KAZN: variants seen among roughly 807,000 people sequenced by gnomAD.
KAZN encodes the protein kazrin.
In KAZN, 40 loss-of-function variants were observed where a neutral mutation model predicts 87.4. That is an observed-to-expected ratio of 0.46 (90% CI 0.36 to 0.60). The LOEUF is 0.60. KAZN is among the 20% of genes least tolerant of loss of function. The probability of loss-of-function intolerance (pLI) is 0.00; values close to 1 mark genes in which losing one functional copy is unlikely to be tolerated. For missense variants in KAZN, 898 were observed against 1,073.9 expected, an observed-to-expected ratio of 0.84 and a Z score of 2.29; for synonymous variants, 466 against 458.3, an observed-to-expected ratio of 1.02 and a Z score of -0.22.
chr1:14,649,256 T>A (rs142199378), intron 1 of KAZN, among the ~76,000 whole-genome samples: 1 of 152,242 alleles, frequency 6.6e-6, no homozygotes, highest in African/African-American at 2.4e-5. Context: ...ATACCATTGA[T>A]AGAGAACTTG....
intron 2 of KAZN, among the ~76,000 whole-genome samples, chr1:14,215,303 T>C (rs1646936335): frequency 6.6e-6 from 1 of 152,190 alleles, no homozygotes; most frequent in Non-Finnish European, 1.5e-5. Context: ...TTAGGCTGTG[T>C]CAGGAGAGTC....
At chr1:15,019,433 G>A (rs1046902087) in intron 2 of KAZN, among the ~76,000 whole-genome samples, 3 of 152,164 alleles carry the variant, frequency 2.0e-5, no homozygotes, top group African/African-American at 7.2e-5. Flanking sequence ...CTGTCACCCA[G>A]GCTGGAGTGC....
At chr1:14,967,277 G>A (rs1411000793) in intron 2 of KAZN, among the ~76,000 whole-genome samples, 1 of 152,088 alleles carries the variant, frequency 6.6e-6, no homozygotes, top group African/African-American at 2.4e-5. Context: ...GCTCCTGGAT[G>A]TGCCTATGGT....
chr1:15,031,914 T>C (rs1671751753), intron 2 of KAZN, among the ~76,000 whole-genome samples: 1 of 152,082 alleles, frequency 6.6e-6, no homozygotes, highest in Admixed American at 6.5e-5. Flanking sequence ...AGCCTTATTT[T>C]GTTTTGCTTT....
At chr1:14,374,874 G>A (rs1660774428) in intron 2 of KAZN, among the ~76,000 whole-genome samples, 1 of 152,176 alleles carries the variant, frequency 6.6e-6, no homozygotes, top group Admixed American at 6.5e-5. Context: ...GGGAAAAGGA[G>A]GTCAGTAAAT....
At chr1:14,732,590 G>A (rs2100371290) in intron 1 of KAZN, among the ~76,000 whole-genome samples, 1 of 152,290 alleles carries the variant, frequency 6.6e-6, no homozygotes, top group East Asian at 1.9e-4. Context: ...AGCGAGCCAA[G>A]ATTGCACCAC....
chr1:14,231,889 C>T (rs1350372098), intron 2 of KAZN, among the ~76,000 whole-genome samples: 1 of 152,222 alleles, frequency 6.6e-6, no homozygotes, highest in Admixed American at 6.5e-5. Context: ...ACTCAGGGAT[C>T]CAGGCTCCTT....
intron 2 of KAZN, among the ~76,000 whole-genome samples, chr1:14,587,435 CAAAAAAAAAAAGAAA>C (rs1557818096): frequency 1.2e-5 from 1 of 85,454 alleles, no homozygotes; most frequent in Non-Finnish European, 2.4e-5. Context: ...GACTCCAACT[CAAAAAAAAAAAGAAA>C]AAAAAAAAAA....
At chr1:14,347,717 T>C (rs1214072208) in intron 2 of KAZN, among the ~76,000 whole-genome samples, 1 of 152,110 alleles carries the variant, frequency 6.6e-6, no homozygotes, top group African/African-American at 2.4e-5. Flanking sequence ...TATATTATGA[T>C]ACCTAGACTA....
chr1:14,798,306 T>G (rs1210637245), intron 1 of KAZN, among the ~76,000 whole-genome samples: 1 of 151,820 alleles, frequency 6.6e-6, no homozygotes, highest in African/African-American at 2.4e-5. Context: ...CATAATTAAG[T>G]AGGGCAGCAT....
At chr1:14,789,062 G>A (rs989212673) in intron 1 of KAZN, among the ~76,000 whole-genome samples, 7 of 152,214 alleles carry the variant, frequency 4.6e-5, no homozygotes, top group East Asian at 1.9e-4. Flanking sequence ...GACACTGGAC[G>A]GGTTAGTTTT....
chr1:14,799,005 G>A (rs1304129699), intron 1 of KAZN, among the ~76,000 whole-genome samples: 1 of 151,794 alleles, frequency 6.6e-6, no homozygotes, highest in East Asian at 1.9e-4. Flanking sequence ...TCAAACTCCT[G>A]AGCTCAAGTG....
intron 2 of KAZN, among the ~76,000 whole-genome samples, chr1:14,502,959 ATTC>A (rs1285920860): frequency 2.0e-5 from 3 of 152,204 alleles, no homozygotes; most frequent in East Asian, 1.9e-4. Flanking sequence ...ACCCACAATC[ATTC>A]TTCTCTCCTG....
intron 1 of KAZN, among the ~76,000 whole-genome samples, chr1:13,935,692 C>T (rs970137898): frequency 1.2e-4 from 18 of 152,120 alleles, no homozygotes; most frequent in Admixed American, 7.2e-4. Flanking sequence ...AGACAATCCC[C>T]GCTATAAATA....
chr1:14,492,245 G>A (rs1669688053), intron 2 of KAZN, among the ~76,000 whole-genome samples: 2 of 152,036 alleles, frequency 1.3e-5, no homozygotes, highest in African/African-American at 4.8e-5. Flanking sequence ...CAGGAGTTTG[G>A]GTTCTTCTGG....
intron 2 of KAZN, among the ~76,000 whole-genome samples, chr1:14,239,585 C>T (rs1321934589): frequency 2.0e-5 from 3 of 151,264 alleles, no homozygotes; most frequent in South Asian, 2.1e-4. Flanking sequence ...CTCAGCCTCC[C>T]GAGTAGCTGG....
Position 14,607,884 on chromosome 1 carries a change from C to T in KAZN, c.226+8661C>T, listed in dbSNP as rs374578067. Reference sequence around the variant, plus strand: ...CCAAGGGGGCAATAAGAGCAATAGCCAGTGTTCGTTGAGGCTTTCCCAGAT... The same window carrying T: ...CCAAGGGGGCAATAAGAGCAATAGCTAGTGTTCGTTGAGGCTTTCCCAGAT... On this transcript the variant is annotated intron_variant, in intron 1 of 14. Coordinates refer to ENST00000376030, the MANE Select transcript of KAZN (RefSeq NM_201628.3). Among the ~76,000 whole-genome samples the T allele has an allele frequency of 4.6e-5, 7 of 152,190 alleles. No homozygotes were observed. In the South Asian group the frequency reaches 6.2e-4, roughly 14 times the overall value.
intron 2 of KAZN, among the ~76,000 whole-genome samples, chr1:14,288,552 A>G (rs1295599709): frequency 6.6e-6 from 1 of 151,990 alleles, no homozygotes; most frequent in Middle Eastern, 3.2e-3. Context: ...TGTTGCGTCT[A>G]TTTGATTCTT....
intron 2 of KAZN, among the ~76,000 whole-genome samples, chr1:14,361,997 G>C (rs1022782309): frequency 6.6e-6 from 1 of 152,198 alleles, no homozygotes; most frequent in Non-Finnish European, 1.5e-5. Flanking sequence ...ACAAGGAAAG[G>C]TCCTGTAGCC....
Sources: allele counts gnomAD v4.1 joint callset (sites outside exome capture counted in the v4.1 genomes callset), GRCh38; gene constraint gnomAD v4.1.1; transcripts MANE v1.5; gene names NCBI Gene and HGNC (gene_info 2026-07-23, HGNC 2026-07-21).